Variants in FBXO25 observed in about 807,000 individuals in gnomAD.
FBXO25 encodes the protein F-box protein 25, also known as F-box only protein 25.
Under a neutral mutation model 51.9 loss-of-function variants are expected in FBXO25, and 45 were observed. That is an observed-to-expected ratio of 0.87 (90% CI 0.68 to 1.11). FBXO25 has a LOEUF of 1.11. FBXO25 is among the 50% of genes most tolerant of loss of function. FBXO25 has a pLI of 0.00. For missense variants in FBXO25, 507 were observed against 428.5 expected, an observed-to-expected ratio of 1.18 and a Z score of -1.62; for synonymous variants, 199 against 151.0, an observed-to-expected ratio of 1.32 and a Z score of -2.33.
chr8:412,391 T>G (rs1294148453), intron 1 of FBXO25, among the ~76,000 whole-genome samples: 1 of 152,214 alleles, frequency 6.6e-6, no homozygotes, highest in Non-Finnish European at 1.5e-5. Flanking sequence ...CTTCTGTTTA[T>G]TTTGCCACTG....
rs541896691 is a variant in FBXO25, at chr8:420,673, C to G, written c.134+7460C>G. ...ATTCGTTTTGCTTAGTGAAAGAAACCAAACCTAAAAGGCGTCCATACTGTA... is the reference window on the plus strand; with the variant it reads ...ATTCGTTTTGCTTAGTGAAAGAAACGAAACCTAAAAGGCGTCCATACTGTA... On this transcript the variant is annotated intron_variant, in intron 2 of 9. Transcript: ENST00000350302. Among the ~76,000 whole-genome samples the G allele has an allele frequency of 9.2e-5, 14 of 152,276 alleles. No individual in the cohort carries two copies. In the East Asian group the frequency reaches 2.5e-3, roughly 27 times the overall value.
chr8:418,032 T>C (rs1398571573), intron 2 of FBXO25, among the ~76,000 whole-genome samples: 2 of 152,202 alleles, frequency 1.3e-5, no homozygotes, highest in Non-Finnish European at 2.9e-5. Context: ...TCCCATTAAT[T>C]CACACTTCAC....
chr8:435,270 A>G (rs1476171459), intron 4 of FBXO25, among the ~76,000 whole-genome samples: 6 of 152,182 alleles, frequency 3.9e-5, no homozygotes, highest in Admixed American at 6.5e-5. Context: ...TGCGTAGCCT[A>G]GAATGAATCC....
intron 9 of FBXO25, among the ~76,000 whole-genome samples, chr8:464,519 C>T (rs893172879): frequency 1.3e-5 from 2 of 152,174 alleles, no homozygotes; most frequent in Non-Finnish European, 2.9e-5. Flanking sequence ...TTCTCTAGGT[C>T]TAGGGAGATG....
At chr8:423,369 G>A (rs1369273540) in intron 2 of FBXO25, among the ~76,000 whole-genome samples, 11 of 152,126 alleles carry the variant, frequency 7.2e-5, no homozygotes. Context: ...ATTGCATGAG[G>A]CTGGGGTTTG....
rs1279303176 is a variant in FBXO25 at position 473,131 on chromosome 8, G to A, written c.*4327G>A. The A allele has an allele frequency of 6.6e-6, 1 of 152,302 alleles. No individual in the cohort carries two copies. The highest frequency in any genetic ancestry group is 2.4e-5 in the African/African-American group (1 of 41,436). The allele number at this position is 152,302 out of a possible 1,614,324, so 9.4% of individuals were successfully genotyped here. On this transcript the variant is annotated 3_prime_UTR_variant, in exon 10 of 10. Transcript: ENST00000350302. ...AATTGCTGCTTCTGTCTTCACTCAA[G>A]CCCCACTCCTTATCCCTTCCTGTTG...
intron 2 of FBXO25, among the ~76,000 whole-genome samples, chr8:419,385 C>G (rs1797016672): frequency 6.6e-6 from 1 of 151,964 alleles, no homozygotes; most frequent in Non-Finnish European, 1.5e-5. Context: ...GAAAAAAGAA[C>G]AAGGTTTACT....
chr8:424,305 C>T (rs1338656717), intron 2 of FBXO25, among the ~76,000 whole-genome samples: 3 of 152,056 alleles, frequency 2.0e-5, no homozygotes, highest in Non-Finnish European at 4.4e-5. Context: ...TTCTCTCATT[C>T]CGTAGGTTGT....
At chr8:467,653 T>A (rs1039987927) in intron 9 of FBXO25, 46 of 1,534,202 alleles carry the variant, frequency 3.0e-5, no homozygotes, top group Non-Finnish European at 4.1e-5. Context: ...CTTTCTAATC[T>A]TAACTTTTCC....
intron 8 of FBXO25, among the ~76,000 whole-genome samples, chr8:460,944 G>C (rs574028667): frequency 6.6e-6 from 1 of 152,310 alleles, no homozygotes; most frequent in Non-Finnish European, 1.5e-5. Context: ...TGTTATACAA[G>C]TGATTGTTTT....
Position 474,341 on chromosome 8 carries a change from T to C in FBXO25, c.*5537T>C, listed in dbSNP as rs778293620. The C allele has an allele frequency of 2.0e-5, 5 of 245,762 alleles. No homozygotes were observed. The highest frequency in any genetic ancestry group is 5.2e-5 in the South Asian group (1 of 19,164). The allele number at this position is 245,762 out of a possible 1,614,324, so 15.2% of individuals were successfully genotyped here. On this transcript the variant is annotated 3_prime_UTR_variant, in exon 10 of 10. Transcript: ENST00000350302. The stretch of plus-strand genomic sequence containing the variant: ...CACATTTTGTTTGTGTACTCATCTG[T>C]TGAGGACACTTGAGTTGCTTCCACC...
chr8:430,425 C>G (rs1037974041), intron 2 of FBXO25, among the ~76,000 whole-genome samples: 1 of 151,812 alleles, frequency 6.6e-6, no homozygotes, highest in South Asian at 2.1e-4. Context: ...GAGAAAGTGA[C>G]TCATTTGGCA....
chr8:448,543 T>C (rs1433688363), intron 5 of FBXO25, among the ~76,000 whole-genome samples: 2 of 152,208 alleles, frequency 1.3e-5, no homozygotes, highest in African/African-American at 4.8e-5. Flanking sequence ...GTATTGATCA[T>C]GTGAGAACTC....
chr8:468,640 C>T lies in FBXO25; in HGVS notation c.988-75C>T, dbSNP rs570580401. 358 of 1,131,378 alleles carry T rather than the reference C, an allele frequency of 3.2e-4. 1 individual carries two copies. Among genetic ancestry groups the T allele is most frequent in the South Asian group, 8.8e-4 (66 of 75,330 alleles). 70.1% of individuals were successfully genotyped at this position (1,131,378 alleles called of 1,614,324 possible). The stretch of plus-strand genomic sequence containing the variant: ...AGGGTCCACATCAACAAGCAGCTGA[C>T]GACCCCTCAAGCACCATCACTAGAG... On this transcript the variant is annotated intron_variant, in intron 9 of 9. Transcript: ENST00000350302.
Position 473,898 on chromosome 8 carries a change from T to C in FBXO25, c.*5094T>C, listed in dbSNP as rs557908267. The C allele has an allele frequency of 1.2e-4, 19 of 152,362 alleles. No individual in the cohort carries two copies. In the South Asian group the frequency reaches 3.9e-3, roughly 32 times the overall value. 9.4% of individuals were successfully genotyped at this position (152,362 alleles called of 1,614,324 possible). ...AAGTTGGTTTTTATTATCTAACCTA[T>C]GTAGTCAATTCTAATGTCATTTAAA... On this transcript the variant is annotated 3_prime_UTR_variant, in exon 10 of 10. Coordinates refer to ENST00000350302, the MANE Select transcript of FBXO25 (RefSeq NM_183420.2).
chr8:426,408 C>T (rs1481855540), intron 2 of FBXO25, among the ~76,000 whole-genome samples: 3 of 152,158 alleles, frequency 2.0e-5, no homozygotes, highest in South Asian at 2.1e-4. Context: ...AAGCCACTCA[C>T]GAGTCCAGTT....
chr8:462,966 G>C, intron 8 of FBXO25, 41 bp from the exon 9 acceptor site: 2 of 1,571,784 alleles, frequency 1.3e-6, no homozygotes, highest in South Asian at 1.2e-5. Flanking sequence ...TGTTTTGAAA[G>C]TCATCTTATG....
Position 411,297 on chromosome 8 carries a change from C to T in FBXO25, c.-7-1776C>T, listed in dbSNP as rs1022826532. Among the ~76,000 whole-genome samples the T allele has an allele frequency of 3.3e-5, 5 of 152,256 alleles. No homozygotes were observed. In the South Asian group the frequency reaches 1.0e-3, roughly 32 times the overall value. On this transcript the variant is annotated intron_variant, in intron 1 of 9. Coordinates refer to ENST00000350302, the MANE Select transcript of FBXO25 (RefSeq NM_183420.2). ...TTATAACATTTTCGTCTCTGTCGAC[C>T]ATTTCTTTCCTGAAATACATTTTTC...
At chr8:441,559 CTG>C (rs1244867950) in intron 5 of FBXO25, among the ~76,000 whole-genome samples, 27 of 152,322 alleles carry the variant, frequency 1.8e-4, no homozygotes, top group African/African-American at 5.5e-4. Flanking sequence ...GCAAAAGAAA[CTG>C]TTATCACAGC....
Sources: allele counts gnomAD v4.1 joint callset (sites outside exome capture counted in the v4.1 genomes callset), GRCh38; gene constraint gnomAD v4.1.1; transcripts MANE v1.5; gene names NCBI Gene and HGNC (gene_info 2026-07-23, HGNC 2026-07-21).